The following MAPKAPK5 variants were observed in gnomAD, a reference collection of about 807,000 sequenced individuals.
MAPKAPK5 encodes the protein MAPK activated protein kinase 5.
MAPKAPK5 carries 30 observed loss-of-function variants against 65.1 expected under a neutral mutation model. The observed-to-expected ratio is 0.46, with a 90% CI of 0.34 to 0.63. MAPKAPK5 has a LOEUF of 0.63. Among genes scored for constraint, MAPKAPK5 ranks in the 20% least tolerant of loss-of-function variants. MAPKAPK5 has a pLI of 0.01. For synonymous variants in MAPKAPK5, 179 were observed against 204.6 expected, an observed-to-expected ratio of 0.87 and a Z score of 1.07; for missense variants, 433 against 581.4, an observed-to-expected ratio of 0.74 and a Z score of 2.63.
chr12:111,882,126 A>G (rs1434642745), intron 8 of MAPKAPK5, among the ~76,000 whole-genome samples: 2 of 152,198 alleles, frequency 1.3e-5, no homozygotes, highest in Non-Finnish European at 2.9e-5. Context: ...CACGCCTGTA[A>G]TCCCAGCACT....
At position 111,896,140 on chromosome 12, in the gene MAPKAPK5, C is replaced by T. The variant is rs1369600925; in HGVS notation, c.*3079C>T. The T allele has an allele frequency of 6.6e-6, 1 of 152,152 alleles. No individual in the cohort carries two copies. Among genetic ancestry groups the T allele is most frequent in the African/African-American group, 2.4e-5 (1 of 41,450 alleles). The allele number at this position is 152,152 out of a possible 1,614,324, so 9.4% of individuals were successfully genotyped here. On this transcript the variant is annotated 3_prime_UTR_variant, in exon 14 of 14. Transcript: ENST00000550735. ...TCTAGCATATCCATTATATCCATAA[C>T]TTCTTAAATTTGTGACTTGGGTGTC...
chr12:111,845,974 C>A (rs1439724923), intron 1 of MAPKAPK5, among the ~76,000 whole-genome samples: 2 of 152,132 alleles, frequency 1.3e-5, no homozygotes, highest in Admixed American at 6.5e-5. Flanking sequence ...TAGCTCATAG[C>A]AACTTAAGGG....
rs2068873030 is a variant in MAPKAPK5 at position 111,845,324 on chromosome 12, T to C, written c.36+2555T>C. 4.6e-5 allele frequency among the ~76,000 whole-genome samples: 7 copies of C among 152,100 alleles called. No individual in the cohort carries two copies. In the South Asian group the frequency reaches 1.2e-3, roughly 27 times the overall value. On this transcript the variant is annotated intron_variant, in intron 1 of 13. Coordinates refer to ENST00000550735, the MANE Select transcript of MAPKAPK5 (RefSeq NM_003668.4). ...GTTATTGCTATTTTGTTGTTATTGTTGTTATATTGCTAGAAAAGATGGGGT... is the reference window on the plus strand; with the variant it reads ...GTTATTGCTATTTTGTTGTTATTGTCGTTATATTGCTAGAAAAGATGGGGT...
At chr12:111,875,716 C>G (rs1717118029) in intron 7 of MAPKAPK5, among the ~76,000 whole-genome samples, 1 of 152,162 alleles carries the variant, frequency 6.6e-6, no homozygotes, top group Non-Finnish European at 1.5e-5. Flanking sequence ...TACTCTTATC[C>G]TAGCCCACAT....
chr12:111,897,954 G>A lies in MAPKAPK5; in HGVS notation c.*4893G>A, dbSNP rs1390968878. ...TAGAATGCACAGAATAACTGCGTAA[G>A]GAATGGGTGCATAGGGCTTCTTTTC... On this transcript the variant is annotated 3_prime_UTR_variant, in exon 14 of 14. Transcript: ENST00000550735. 1 of 151,472 alleles carries A rather than the reference G, an allele frequency of 6.6e-6. No individual in the cohort carries two copies. The highest frequency in any genetic ancestry group is 2.4e-5 in the African/African-American group (1 of 41,172). The allele number at this position is 151,472 out of a possible 1,614,324, so 9.4% of individuals were successfully genotyped here.
chr12:111,873,778 C>T (rs1489618659), intron 7 of MAPKAPK5, among the ~76,000 whole-genome samples: 1 of 152,078 alleles, frequency 6.6e-6, no homozygotes, highest in Non-Finnish European at 1.5e-5. Flanking sequence ...TATATCTTGA[C>T]TTCAGATTCA....
chr12:111,858,964 T>C (rs776960968), intron 1 of MAPKAPK5, among the ~76,000 whole-genome samples: 3 of 148,202 alleles, frequency 2.0e-5, no homozygotes, highest in Non-Finnish European at 4.5e-5. Flanking sequence ...CATTATTTTT[T>C]ACTTCGTCAT....
At chr12:111,880,614 A>T in intron 8 of MAPKAPK5, 87 bp downstream of exon 8, 2 of 1,139,724 alleles carry the variant, frequency 1.8e-6, no homozygotes, top group Non-Finnish European at 2.6e-6. Context: ...AGTGTGGCCA[A>T]TTCCTTTCTC....
At chr12:111,843,384 TG>T in intron 1 of MAPKAPK5, 1 of 398,178 alleles carries the variant, frequency 2.5e-6, no homozygotes, top group East Asian at 3.6e-5. Flanking sequence ...AAAGCAAATG[TG>T]TGTTCGAAAA....
rs1055678464 is a variant in MAPKAPK5 at position 111,893,713 on chromosome 12, CTT to C, written c.*670_*671del. ...AACAGGGTTTTCTTTTGGGTTTATTCTTTTTTTTTTTTTTTTTTTGAGACAGA... is the reference window on the plus strand; with the variant it reads ...AACAGGGTTTTCTTTTGGGTTTATTCTTTTTTTTTTTTTTTTTGAGACAGA... On this transcript the variant is annotated 3_prime_UTR_variant, in exon 14 of 14. Transcript: ENST00000550735. 4.6e-4 allele frequency: 59 copies of C among 129,374 alleles called. 1 individual carries two copies. The highest frequency in any genetic ancestry group is 3.5e-3 in the East Asian group (16 of 4,558). 8.0% of individuals were successfully genotyped at this position (129,374 alleles called of 1,614,324 possible). A position where few individuals can be genotyped will look rare whatever the true frequency, so the allele number is the denominator to read the frequency against.
At chr12:111,857,382 C>T (rs2069279324) in intron 1 of MAPKAPK5, among the ~76,000 whole-genome samples, 1 of 152,056 alleles carries the variant, frequency 6.6e-6, no homozygotes, top group South Asian at 2.1e-4. Context: ...GCTGGGAATA[C>T]AGGTGTGTGC....
chr12:111,853,381 A>C (rs2069144394), intron 1 of MAPKAPK5, among the ~76,000 whole-genome samples: 1 of 152,096 alleles, frequency 6.6e-6, no homozygotes, highest in African/African-American at 2.4e-5. Context: ...CAAAAAAAAA[A>C]AGAATGGAAT....
intron 1 of MAPKAPK5, among the ~76,000 whole-genome samples, chr12:111,846,069 G>A (rs1439655063): frequency 6.6e-6 from 1 of 152,130 alleles, no homozygotes; most frequent in Non-Finnish European, 1.5e-5. Context: ...TCACTCAGAA[G>A]TACTCAATAG....
rs189104250 is a variant in MAPKAPK5 at position 111,865,408 on chromosome 12, G to A, written c.110+85G>A. The A allele has an allele frequency of 4.4e-6, 4 of 906,548 alleles. No individual in the cohort carries two copies. The East Asian group carries it at 1.1e-4, about 24-fold the overall frequency. The allele number at this position is 906,548 out of a possible 1,614,324, so 56.2% of individuals were successfully genotyped here. A position where few individuals can be genotyped will look rare whatever the true frequency, so the allele number is the denominator to read the frequency against. On this transcript the variant is annotated intron_variant, in intron 2 of 13. Transcript: ENST00000550735. ...GCCATTTGAAATACATCTTGAATTA[G>A]ACACATCAGGTGTGCCAGATTTGAG...
rs1037439836 is a variant in MAPKAPK5 at position 111,893,367 on chromosome 12, AAAGGACCGACTAT to A, written c.*308_*320del. 1.7e-4 allele frequency: 28 copies of A among 166,852 alleles called. No homozygotes were observed. The South Asian group carries it at 2.3e-3, about 14-fold the overall frequency. The allele number at this position is 166,852 out of a possible 1,614,324, so 10.3% of individuals were successfully genotyped here. A position where few individuals can be genotyped will look rare whatever the true frequency, so the allele number is the denominator to read the frequency against. ...CAAAAATCACTTGCCAGCAGTAGAA[AAAGGACCGACTAT>A]ACCGACCTTTCTGATTAGTAAACAG... is the stretch of plus-strand genomic sequence containing the variant. On this transcript the variant is annotated 3_prime_UTR_variant, in exon 14 of 14. Transcript: ENST00000550735.
intron 1 of MAPKAPK5, among the ~76,000 whole-genome samples, chr12:111,844,228 T>A (rs2136054027): frequency 6.6e-6 from 1 of 151,788 alleles, no homozygotes; most frequent in Non-Finnish European, 1.5e-5. Flanking sequence ...TCTGGCTTTG[T>A]CATCCAGGCT....
chr12:111,846,895 A>G (rs1327716313), intron 1 of MAPKAPK5, among the ~76,000 whole-genome samples: 5 of 152,122 alleles, frequency 3.3e-5, no homozygotes, highest in Admixed American at 2.0e-4. Context: ...CACACTGTAT[A>G]TGCTTCCTAT....
intron 1 of MAPKAPK5, 88 bp from the exon 2 acceptor site, chr12:111,865,162 G>C: frequency 1.3e-6 from 1 of 771,448 alleles, no homozygotes; most frequent in Non-Finnish European, 2.2e-6. Context: ...GCTGTTGAGT[G>C]ACAGGTCTTC....
rs1255111448 is a variant in MAPKAPK5 at position 111,896,711 on chromosome 12, G to A, written c.*3650G>A. ...CTTCTGCTTACTAAAGCCATTACTGGTCAATCAGATACTTTTAGACTTTAC... is the reference window on the plus strand; with the variant it reads ...CTTCTGCTTACTAAAGCCATTACTGATCAATCAGATACTTTTAGACTTTAC... On this transcript the variant is annotated 3_prime_UTR_variant, in exon 14 of 14. Transcript: ENST00000550735. The A allele has an allele frequency of 6.6e-6, 1 of 152,146 alleles. No individual in the cohort carries two copies. The highest frequency in any genetic ancestry group is 1.5e-5 in the Non-Finnish European group (1 of 68,026). 9.4% of individuals were successfully genotyped at this position (152,146 alleles called of 1,614,324 possible).
Sources: allele counts gnomAD v4.1 joint callset (sites outside exome capture counted in the v4.1 genomes callset), GRCh38; gene constraint gnomAD v4.1.1; transcripts MANE v1.5; gene names NCBI Gene and HGNC (gene_info 2026-07-23, HGNC 2026-07-21).